Variants in GABRG3 observed in about 807,000 individuals in gnomAD.
The protein encoded by GABRG3 is gamma-aminobutyric acid type A receptor subunit gamma3.
Under a neutral mutation model 48.8 loss-of-function variants are expected in GABRG3, and 25 were observed. The observed-to-expected ratio is 0.51, with a 90% CI of 0.37 to 0.72. The LOEUF is 0.72. GABRG3 is among the 30% of genes least tolerant of loss of function. The pLI is 0.00. For synonymous variants in GABRG3, 227 were observed against 217.6 expected, an observed-to-expected ratio of 1.04 and a Z score of -0.38; for missense variants, 394 against 577.9, an observed-to-expected ratio of 0.68 and a Z score of 3.26.
At chr15:27,378,852 T>A (rs967565152) in intron 5 of GABRG3, among the ~76,000 whole-genome samples, 2 of 152,170 alleles carry the variant, frequency 1.3e-5, no homozygotes, top group African/African-American at 4.8e-5. Context: ...GTGAACAGAT[T>A]GGAGAGGGGA....
intron 3 of GABRG3, among the ~76,000 whole-genome samples, chr15:27,207,462 C>T (rs73375556): frequency 0.034 from 5,176 of 152,244 alleles, 188 homozygotes; most frequent in African/African-American, 0.096. Flanking sequence ...GAGAGTCCTT[C>T]AGGAAAATTT....
At chr15:27,389,510 G>A (rs1175625207) in intron 5 of GABRG3, among the ~76,000 whole-genome samples, 1 of 152,184 alleles carries the variant, frequency 6.6e-6, no homozygotes, top group African/African-American at 2.4e-5. Flanking sequence ...GATAAATAAA[G>A]TATGTTGTTG....
intron 3 of GABRG3, among the ~76,000 whole-genome samples, chr15:27,092,828 C>G (rs533960211): frequency 1.5e-4 from 23 of 152,180 alleles, no homozygotes; most frequent in African/African-American, 4.6e-4. Flanking sequence ...AACAGCAGCT[C>G]TCTCCCTCCC....
At chr15:27,217,713 AG>A in intron 3 of GABRG3, among the ~76,000 whole-genome samples, 1 of 152,358 alleles carries the variant, frequency 6.6e-6, no homozygotes, top group Non-Finnish European at 1.5e-5. Context: ...TGGCACACAC[AG>A]AGGGACGAAG....
chr15:27,495,548 C>T (rs908558151), intron 6 of GABRG3, among the ~76,000 whole-genome samples: 1 of 152,198 alleles, frequency 6.6e-6, no homozygotes, highest in African/African-American at 2.4e-5. Context: ...AATTAGAAGA[C>T]TCAAGACAAG....
intron 3 of GABRG3, among the ~76,000 whole-genome samples, chr15:27,278,189 C>G (rs1229803699): frequency 6.6e-6 from 1 of 151,950 alleles, no homozygotes; most frequent in Non-Finnish European, 1.5e-5. Context: ...GTAGCTGGGA[C>G]TACAGGCATG....
chr15:27,193,498 T>C (rs1277318055), intron 3 of GABRG3, among the ~76,000 whole-genome samples: 2 of 151,998 alleles, frequency 1.3e-5, no homozygotes, highest in Admixed American at 6.5e-5. Context: ...TCAGCGAGAC[T>C]CCGTGGGCGT....
chr15:27,233,097 G>A (rs1346526934), intron 3 of GABRG3, among the ~76,000 whole-genome samples: 3 of 152,040 alleles, frequency 2.0e-5, no homozygotes, highest in Non-Finnish European at 2.9e-5. Context: ...GATCACTTGT[G>A]TTGGAAGCTG....
intron 3 of GABRG3, among the ~76,000 whole-genome samples, chr15:27,195,797 G>T (rs1888478205): frequency 6.6e-6 from 1 of 152,124 alleles, no homozygotes; most frequent in African/African-American, 2.4e-5. Context: ...ACCATGCCTG[G>T]CTAATTTTTG....
chr15:27,420,700 G>A (rs1329099973), intron 5 of GABRG3: 1 of 152,268 alleles, frequency 6.6e-6, no homozygotes, highest in African/African-American at 2.4e-5. Context: ...ATCTGGAAAC[G>A]GTTATAAGTG....
intron 6 of GABRG3, among the ~76,000 whole-genome samples, chr15:27,500,354 G>A (rs1890591586): frequency 6.6e-6 from 1 of 152,156 alleles, no homozygotes; most frequent in Non-Finnish European, 1.5e-5. Context: ...CGAGGCAGAA[G>A]GGGAGGAGAA....
chr15:27,195,659 GA>G (rs1272980462), intron 3 of GABRG3, among the ~76,000 whole-genome samples: 1 of 150,200 alleles, frequency 6.7e-6, no homozygotes, highest in African/African-American at 2.5e-5. Flanking sequence ...TTTTGAGAAA[GA>G]GTCTCACTCT....
chr15:27,016,787 T>G (rs1439409994), intron 2 of GABRG3, among the ~76,000 whole-genome samples: 1 of 152,144 alleles, frequency 6.6e-6, no homozygotes, highest in Non-Finnish European at 1.5e-5. Flanking sequence ...TTTGCTTCAC[T>G]CTTTTTTTTG....
chr15:27,388,902 A>C (rs1452645876), intron 5 of GABRG3, among the ~76,000 whole-genome samples: 2 of 152,088 alleles, frequency 1.3e-5, no homozygotes, highest in Non-Finnish European at 2.9e-5. Flanking sequence ...AGAGACCTGA[A>C]TTTTTCCTCG....
At chr15:27,450,469 A>G (rs2140640959) in intron 5 of GABRG3, among the ~76,000 whole-genome samples, 1 of 152,346 alleles carries the variant, frequency 6.6e-6, no homozygotes, top group East Asian at 1.9e-4. Context: ...AAACCTTATG[A>G]TCATCTCAAC....
intron 3 of GABRG3, among the ~76,000 whole-genome samples, chr15:27,099,214 C>T (rs867272972): frequency 1.3e-5 from 2 of 152,172 alleles, no homozygotes; most frequent in African/African-American, 2.4e-5. Context: ...AAGTTTTCTA[C>T]ACTTCACTCA....
At chr15:27,026,060 G>A (rs1181597367) in intron 2 of GABRG3, among the ~76,000 whole-genome samples, 1 of 152,208 alleles carries the variant, frequency 6.6e-6, no homozygotes, top group African/African-American at 2.4e-5. Context: ...GGTAGCCTCT[G>A]ACATACGGCG....
chr15:27,319,513 G>A lies in GABRG3; in HGVS notation c.271-7296G>A, dbSNP rs1893347335. ...TTGTGATACGGCAGTTGAAGACATAGAGTGTTAACATAAGGAGAAAAAATA... is the reference window on the plus strand; with the variant it reads ...TTGTGATACGGCAGTTGAAGACATAAAGTGTTAACATAAGGAGAAAAAATA... On this transcript the variant is annotated intron_variant, in intron 3 of 9. Coordinates refer to ENST00000615808, the MANE Select transcript of GABRG3 (RefSeq NM_033223.5). This position sits in a 1 kb window ranked among gnomAD's most constrained non-coding sequence, Gnocchi z 4.4. Among the ~76,000 whole-genome samples the A allele has an allele frequency of 6.6e-6, 1 of 152,234 alleles. No individual in the cohort carries two copies. Among genetic ancestry groups the A allele is most frequent in the African/African-American group, 2.4e-5 (1 of 41,464 alleles).
At chr15:27,282,355 T>G (rs1295571446) in intron 3 of GABRG3, among the ~76,000 whole-genome samples, 2 of 152,184 alleles carry the variant, frequency 1.3e-5, no homozygotes, top group Non-Finnish European at 2.9e-5. Flanking sequence ...TCATATCTTT[T>G]GTCACAGAGG....
Sources: allele counts gnomAD v4.1 joint callset (sites outside exome capture counted in the v4.1 genomes callset), GRCh38; gene constraint gnomAD v4.1.1; non-coding constraint Gnocchi (gnomAD v3.1); transcripts MANE v1.5; gene names NCBI Gene and HGNC (gene_info 2026-07-23, HGNC 2026-07-21).